CFAP107: variants seen among roughly 807,000 people sequenced by gnomAD.
CFAP107 encodes the protein cilia- and flagella-associated protein 107.
chr1:12,748,479 A>C, the CFAP107 span, among the ~76,000 whole-genome samples: 3 of 151,728 alleles, frequency 2.0e-5, no homozygotes, highest in East Asian at 1.9e-4. Flanking sequence ...AAAAAAAAAA[A>C]ACCACACACA....
chr1:12,757,977 G>A, the CFAP107 span, among the ~76,000 whole-genome samples: 1 of 152,190 alleles, frequency 6.6e-6, no homozygotes, highest in Admixed American at 6.5e-5. Context: ...CCAAGTAGTG[G>A]ACACTAGAGA....
the CFAP107 span, chr1:12,753,938 C>A: frequency 1.3e-5 from 2 of 151,776 alleles, no homozygotes; most frequent in African/African-American, 2.4e-5. Context: ...AAGAAAACAT[C>A]GGGGAAAATT....
chr1:12,752,695 T>C, the CFAP107 span, among the ~76,000 whole-genome samples: 1 of 151,824 alleles, frequency 6.6e-6, no homozygotes, highest in Non-Finnish European at 1.5e-5. Context: ...AGAAAAGCAT[T>C]TGACAAACTA....
chr1:12,749,232 A>G, the CFAP107 span, among the ~76,000 whole-genome samples: 1 of 152,230 alleles, frequency 6.6e-6, no homozygotes, highest in African/African-American at 2.4e-5. Flanking sequence ...CTTTATAATT[A>G]AGATATTGAA....
At chr1:12,759,496 A>G in the CFAP107 span, 1 of 1,614,054 alleles carries the variant, frequency 6.2e-7, no homozygotes, top group Non-Finnish European at 8.5e-7. Context: ...TGGTACCTTT[A>G]TAATTCAGGG....
the CFAP107 span, among the ~76,000 whole-genome samples, chr1:12,756,261 C>T: frequency 6.6e-6 from 1 of 152,214 alleles, no homozygotes; most frequent in Non-Finnish European, 1.5e-5. Flanking sequence ...TGACTGGGCA[C>T]TTGTCTAGGA....
At chr1:12,749,691 G>A in the CFAP107 span, among the ~76,000 whole-genome samples, 1 of 152,064 alleles carries the variant, frequency 6.6e-6, no homozygotes, top group Non-Finnish European at 1.5e-5. Context: ...GAAGGCAGTG[G>A]GATAATACAT....
At chr1:12,747,204 A>T in the CFAP107 span, among the ~76,000 whole-genome samples, 1 of 152,012 alleles carries the variant, frequency 6.6e-6, no homozygotes, top group East Asian at 1.9e-4. Flanking sequence ...AGTAGCTGGG[A>T]CTACAAGTGC....
chr1:12,751,301 A>G, the CFAP107 span, among the ~76,000 whole-genome samples: 115 of 152,292 alleles, frequency 7.6e-4, no homozygotes, highest in African/African-American at 2.6e-3. Context: ...TAAGTAAAAT[A>G]GGAAATAGGA....
At chr1:12,748,494 C>CA in the CFAP107 span, among the ~76,000 whole-genome samples, 1 of 150,652 alleles carries the variant, frequency 6.6e-6, no homozygotes, top group East Asian at 1.9e-4. Context: ...CACACAGGTC[C>CA]AGGCAAGATG....
chr1:12,746,433 G>A, the CFAP107 span: 10 of 1,612,320 alleles, frequency 6.2e-6, no homozygotes, highest in African/African-American at 9.4e-5. Flanking sequence ...TCCTTAACAT[G>A]TTTTTGACTG....
At chr1:12,746,936 C>A in the CFAP107 span, among the ~76,000 whole-genome samples, 1 of 152,104 alleles carries the variant, frequency 6.6e-6, no homozygotes, top group Non-Finnish European at 1.5e-5. Context: ...CATTTGCTCT[C>A]CTCATTCTGG....
the CFAP107 span, chr1:12,762,530 T>A: frequency 1.3e-5 from 2 of 152,282 alleles, no homozygotes; most frequent in Non-Finnish European, 2.9e-5. Flanking sequence ...GTTGAACAAA[T>A]GAGTTGAATG....
At chr1:12,747,272 T>G in the CFAP107 span, among the ~76,000 whole-genome samples, 1 of 152,098 alleles carries the variant, frequency 6.6e-6, no homozygotes, top group Non-Finnish European at 1.5e-5. Flanking sequence ...CTTCACCATG[T>G]TGGCCAGGCT....
At chr1:12,760,501 A>G in the CFAP107 span, among the ~76,000 whole-genome samples, 37,698 of 152,104 alleles carry the variant, frequency 0.25, 4,764 homozygotes, top group South Asian at 0.3. Flanking sequence ...CAACCACACC[A>G]TGGGGCTGAC....
chr1:12,760,823 C>G, the CFAP107 span: 1 of 1,614,162 alleles, frequency 6.2e-7, no homozygotes, highest in Non-Finnish European at 8.5e-7. Context: ...ACAGCTCACA[C>G]CCAAGGCTGG....
the CFAP107 span, among the ~76,000 whole-genome samples, chr1:12,748,660 C>T: frequency 0.054 from 8,157 of 151,252 alleles, 686 homozygotes; most frequent in African/African-American, 0.18. Flanking sequence ...CAATTTTCAA[C>T]GAAAAATCAC....
At chr1:12,762,254 G>C in the CFAP107 span, 1 of 152,022 alleles carries the variant, frequency 6.6e-6, no homozygotes, top group Non-Finnish European at 1.5e-5. Flanking sequence ...CTGAAAGTCA[G>C]AGCCTGACAC....
At chr1:12,746,876 G>A in the CFAP107 span, among the ~76,000 whole-genome samples, 1 of 151,944 alleles carries the variant, frequency 6.6e-6, no homozygotes, top group Non-Finnish European at 1.5e-5. Context: ...GTGTTTCTAG[G>A]CATCTGGATG....
Sources: gnomAD v4.1 joint callset for allele counts (sites outside exome capture counted in the v4.1 genomes callset) on GRCh38, gnomAD v4.1.1 for gene constraint, MANE v1.5 for transcripts, NCBI Gene and HGNC (gene_info 2026-07-23, HGNC 2026-07-21) for gene names.